The following WDR49 variants were observed in gnomAD, a reference collection of about 807,000 sequenced individuals.
WDR49 encodes cilia- and flagella-associated protein 337.
A neutral mutation model predicts 119.5 loss-of-function variants in WDR49; 107 were observed. The ratio of observed to expected loss-of-function variants is 0.90; its 90% CI spans 0.77 to 1.05. WDR49 has a LOEUF of 1.05. Ranked by LOEUF, WDR49 falls within the 50% of genes least tolerant of loss-of-function variation. WDR49 has a pLI of 0.00. For missense variants in WDR49, 1,240 were observed against 1,220.5 expected, an observed-to-expected ratio of 1.02 and a Z score of -0.24; for synonymous variants, 425 against 418.8, an observed-to-expected ratio of 1.01 and a Z score of -0.18.
intron 5 of WDR49, among the ~76,000 whole-genome samples, chr3:167,609,053 A>C (rs1716202555): frequency 6.6e-6 from 1 of 152,182 alleles, no homozygotes; most frequent in South Asian, 2.1e-4. Context: ...AAAACTAAGT[A>C]AGTAATGCTA....
chr3:167,561,741 A>T (rs974292025), intron 8 of WDR49, among the ~76,000 whole-genome samples: 2 of 152,122 alleles, frequency 1.3e-5, no homozygotes, highest in Non-Finnish European at 2.9e-5. Context: ...TTTGATCTTT[A>T]TGAAAACTCT....
chr3:167,655,390 A>T (rs117595799), upstream of WDR49, among the ~76,000 whole-genome samples: 1 of 152,158 alleles, frequency 6.6e-6, no homozygotes, highest in East Asian at 1.9e-4. Context: ...CTTTATTTTC[A>T]CTTCTGTAAA....
intron 16 of WDR49, among the ~76,000 whole-genome samples, chr3:167,520,274 A>C (rs554054635): frequency 6.6e-6 from 1 of 152,128 alleles, no homozygotes; most frequent in South Asian, 2.1e-4. Flanking sequence ...AGGATAACTG[A>C]GTTTGTCATA....
chr3:167,566,285 A>G (rs894490672), intron 8 of WDR49, among the ~76,000 whole-genome samples: 2 of 152,234 alleles, frequency 1.3e-5, no homozygotes, highest in African/African-American at 4.8e-5. Flanking sequence ...TCTAAGGACA[A>G]GGTGAAAAAC....
At chr3:167,518,053 G>A (rs948182688) in intron 16 of WDR49, among the ~76,000 whole-genome samples, 3 of 152,138 alleles carry the variant, frequency 2.0e-5, no homozygotes, top group Non-Finnish European at 2.9e-5. Flanking sequence ...TCCCTGAAAA[G>A]GACATGAACT....
At chr3:167,587,015 G>GTA (rs995756904) in intron 7 of WDR49, among the ~76,000 whole-genome samples, 13 of 151,908 alleles carry the variant, frequency 8.6e-5, no homozygotes, top group African/African-American at 3.1e-4. Flanking sequence ...TGGGGACCTG[G>GTA]TATATATATG....
chr3:167,644,558 A>T (rs1041908555), intron 2 of WDR49, among the ~76,000 whole-genome samples: 1 of 152,070 alleles, frequency 6.6e-6, no homozygotes, highest in Admixed American at 6.6e-5. Flanking sequence ...GTATACCACA[A>T]TTTACTTATC....
chr3:167,504,275 C>T (rs562324472), intron 17 of WDR49, among the ~76,000 whole-genome samples: 1 of 152,308 alleles, frequency 6.6e-6, no homozygotes, highest in East Asian at 1.9e-4. Flanking sequence ...ATGAGAACAA[C>T]CACAAGGGCT....
chr3:167,622,945 A>T (rs1716938848), intron 3 of WDR49, among the ~76,000 whole-genome samples: 1 of 152,096 alleles, frequency 6.6e-6, no homozygotes. Flanking sequence ...AGCTACATGG[A>T]AATAAAACAA....
At chr3:167,510,025 A>G (rs1179374565) in intron 16 of WDR49, among the ~76,000 whole-genome samples, 5 of 152,224 alleles carry the variant, frequency 3.3e-5, no homozygotes, top group Non-Finnish European at 7.3e-5. Context: ...AATGTTAACA[A>G]TGGCTTTACC....
chr3:167,591,278 A>G (rs977492618), intron 7 of WDR49, among the ~76,000 whole-genome samples: 19 of 152,098 alleles, frequency 1.2e-4, no homozygotes, highest in African/African-American at 4.1e-4. Context: ...GATGCTTGAT[A>G]TTATTTAAAT....
intron 10 of WDR49, among the ~76,000 whole-genome samples, chr3:167,548,545 T>C (rs1272775915): frequency 2.6e-5 from 4 of 151,686 alleles, no homozygotes; most frequent in Non-Finnish European, 4.4e-5. Flanking sequence ...AACTCTTAAG[T>C]AGTCTATTTT....
intron 5 of WDR49, among the ~76,000 whole-genome samples, chr3:167,617,129 G>A (rs1031220082): frequency 6.6e-6 from 1 of 152,144 alleles, no homozygotes; most frequent in South Asian, 2.1e-4. Flanking sequence ...GCAATGAAGA[G>A]TCCATCTGAA....
intron 7 of WDR49, among the ~76,000 whole-genome samples, chr3:167,586,272 C>T (rs1347371723): frequency 6.6e-6 from 1 of 152,126 alleles, no homozygotes; most frequent in Non-Finnish European, 1.5e-5. Flanking sequence ...TTGACATAGG[C>T]TTCAAAAATC....
chr3:167,604,628 T>A (rs1023367486), intron 5 of WDR49, among the ~76,000 whole-genome samples, 160 bp from the exon 6 acceptor site: 12 of 152,056 alleles, frequency 7.9e-5, no homozygotes, highest in African/African-American at 2.7e-4. Flanking sequence ...TTCTCCCACC[T>A]CCCACAAAAG....
chr3:167,504,308 C>T (rs536352668), intron 17 of WDR49, among the ~76,000 whole-genome samples: 2 of 152,214 alleles, frequency 1.3e-5, no homozygotes, highest in African/African-American at 2.4e-5. Context: ...GACACAGGGG[C>T]AAATCTGTGC....
At chr3:167,596,987 G>A (rs1275994451) in intron 7 of WDR49, among the ~76,000 whole-genome samples, 2 of 148,614 alleles carry the variant, frequency 1.3e-5, no homozygotes, top group Non-Finnish European at 3.0e-5. Flanking sequence ...CCATTTTTTA[G>A]GGAAAAATTC....
intron 5 of WDR49, among the ~76,000 whole-genome samples, chr3:167,615,125 A>T (rs1156400140): frequency 6.6e-6 from 1 of 152,232 alleles, no homozygotes; most frequent in Non-Finnish European, 1.5e-5. Context: ...GCTAAATCTA[A>T]GAAAAGGCAT....
rs115037523 is a variant in WDR49 at position 167,538,571 on chromosome 3, A to G, written c.1824-1571T>C. ...CTGGCACATTCTTCATCTGGCTACT[A>G]GATTAATTATTCTACTCTGGGGCAT... On this transcript the variant is annotated intron_variant, in intron 10 of 18. Coordinates refer to ENST00000682715, the MANE Select transcript of WDR49 (RefSeq NM_001366157.1). 3.2e-3 allele frequency among the ~76,000 whole-genome samples: 483 copies of G among 152,148 alleles called. 1 individual carries two copies. The highest frequency in any genetic ancestry group is 0.011 in the African/African-American group (467 of 41,522).
Sources: gnomAD v4.1 joint callset for allele counts (sites outside exome capture counted in the v4.1 genomes callset) on GRCh38, gnomAD v4.1.1 for gene constraint, MANE v1.5 for transcripts, NCBI Gene and HGNC (gene_info 2026-07-23, HGNC 2026-07-21) for gene names.